The following GLIS2 variants were observed in gnomAD, a reference collection of about 807,000 sequenced individuals.
GLIS2 encodes GLIS family zinc finger 2.
In GLIS2, 14 loss-of-function variants were observed where a neutral mutation model predicts 35.6. That is an observed-to-expected ratio of 0.39 (90% CI 0.26 to 0.61). GLIS2 has a LOEUF of 0.61. Among genes scored for constraint, GLIS2 ranks in the 20% least tolerant of loss-of-function variants. The probability of loss-of-function intolerance (pLI) is 0.48; values close to 1 mark genes in which losing one functional copy is unlikely to be tolerated. For missense variants in GLIS2, 675 were observed against 713.4 expected (o/e 0.95, Z 0.61); for synonymous variants, 368 against 325.1 (o/e 1.13, Z -1.42).
Position 4,334,844 on chromosome 16 carries a change from T to G in GLIS2, c.389T>G (p.Phe130Cys). The G allele has an allele frequency of 6.2e-7, 1 of 1,613,378 alleles. No individual in the cohort carries two copies. Among genetic ancestry groups the G allele is most frequent in the African/African-American group, 1.3e-5 (1 of 74,978 alleles). Residue 130 changes from phenylalanine to cysteine, a missense_variant, in exon 4 of 7, where the codon TTC becomes TGC. Phe to Cys is a radical substitution (Grantham distance 205). This residue lies in a region of GLIS2 where 225 missense variants were observed against 238.7 expected (regional missense o/e 0.94). Coordinates refer to ENST00000433375, the MANE Select transcript of GLIS2 (RefSeq NM_032575.3). ...TATTTGGATGGTGTCCCCAGCTCCT[T>G]CCAGTTCTTCCTGCCCCTCGGCTCC... Reference protein sequence around the residue: ...LRYLDGVPSSFQFFLPLGSGG... With the variant: ...LRYLDGVPSSCQFFLPLGSGG...
chr16:4,326,251 GAAAC>G (rs1473684671), intron 1 of GLIS2, among the ~76,000 whole-genome samples: 1 of 151,992 alleles, frequency 6.6e-6, no homozygotes, highest in Admixed American at 6.6e-5. Flanking sequence ...TCTCAAAAAA[GAAAC>G]AAACAAAAAA....
In GLIS2 at chr16:4,335,957, A is replaced by G. The variant is rs528406931; in HGVS notation, c.775+564A>G. 2.0e-4 allele frequency: 36 copies of G among 179,786 alleles called. No individual in the cohort carries two copies. Among genetic ancestry groups the G allele is most frequent in the Admixed American group, 1.2e-3 (22 of 18,710 alleles). The allele number at this position is 179,786 out of a possible 1,614,324, so 11.1% of individuals were successfully genotyped here. ...CTGGTGTTTATTTCACCCTGGCAGCACATCTCCAGGTGGAGAGCCATGTAT... is the reference window on the plus strand; with the variant it reads ...CTGGTGTTTATTTCACCCTGGCAGCGCATCTCCAGGTGGAGAGCCATGTAT... On this transcript the variant is annotated intron_variant, in intron 6 of 6. Coordinates refer to ENST00000433375, the MANE Select transcript of GLIS2 (RefSeq NM_032575.3). The surrounding 1 kb of genome is among the most constrained non-coding windows in gnomAD (Gnocchi z 4.6).
chr16:4,316,486 C>T (rs1047998485), intron 1 of GLIS2, among the ~76,000 whole-genome samples: 12 of 151,912 alleles, frequency 7.9e-5, no homozygotes, highest in Non-Finnish European at 1.5e-4. Flanking sequence ...GGTCTTTCTT[C>T]TCCCTCCTTC....
At chr16:4,317,108 C>T (rs2053321616) in intron 1 of GLIS2, among the ~76,000 whole-genome samples, 1 of 152,158 alleles carries the variant, frequency 6.6e-6, no homozygotes, top group Admixed American at 6.5e-5. Flanking sequence ...CAGGAGGGCC[C>T]GCCCAGCCTG....
intron 1 of GLIS2, among the ~76,000 whole-genome samples, chr16:4,329,617 C>A (rs554492000): frequency 6.6e-6 from 1 of 152,130 alleles, no homozygotes; most frequent in African/African-American, 2.4e-5. Context: ...AAGGGGAGGA[C>A]GTGGGAGCTG....
rs111615784 is a variant in GLIS2 at position 4,332,406 on chromosome 16, G to C, written c.126G>C (p.Leu42=). The change falls in exon 2 of 7, where the codon CTG becomes CTC. Residue 42 remains leucine (L), a synonymous_variant. Transcript: ENST00000433375. The surrounding 1 kb of genome is among the most constrained non-coding windows in gnomAD (Gnocchi z 5.4). The part of the protein sequence containing the change: ...RPRALHRELG[L]VDDSPTPGSP... ...GTGCTCTGCACAGGGAGCTGGGCCTGGTGGATGACAGCCCCACACCTGGCT... is the reference window on the plus strand; with the variant it reads ...GTGCTCTGCACAGGGAGCTGGGCCTCGTGGATGACAGCCCCACACCTGGCT... 1.2e-5 allele frequency: 19 copies of C among 1,612,674 alleles called. No individual in the cohort carries two copies. Among genetic ancestry groups the C allele is most frequent in the Non-Finnish European group, 1.5e-5 (18 of 1,180,018 alleles).
In GLIS2 at chr16:4,332,748, CTGCACCCTAGGCTGTGGGGTGG is replaced by C. The variant is rs2053511573; in HGVS notation, c.172+300_172+321del. 6.6e-6 allele frequency among the ~76,000 whole-genome samples: 1 copy of C among 152,216 alleles called. No homozygotes were observed. The highest frequency in any genetic ancestry group is 1.5e-5 in the Non-Finnish European group (1 of 68,030). ...GAAGGAGCGGCAGTAGTCCCAGGAC[CTGCACCCTAGGCTGTGGGGTGG>C]TGCCGCTGGCCAACCTGGGCAGTAG... is the stretch of plus-strand genomic sequence containing the variant. On this transcript the variant is annotated intron_variant, in intron 2 of 6. Transcript: ENST00000433375. This position sits in a 1 kb window ranked among gnomAD's most constrained non-coding sequence, Gnocchi z 5.4.
In GLIS2 at chr16:4,335,468, G is replaced by C; in HGVS notation, c.775+75G>C. The C allele has an allele frequency of 7.7e-7, 1 of 1,295,384 alleles. No individual in the cohort carries two copies. The highest frequency in any genetic ancestry group is 1.1e-6 in the Non-Finnish European group (1 of 894,296). 80.2% of individuals were successfully genotyped at this position (1,295,384 alleles called of 1,614,324 possible). Reference sequence around the variant, plus strand: ...GAGACCGGCTGGGCAGGTCCCCAGGGGGAGGGGACTGTTAAGTAAATCCCG... The same window carrying C: ...GAGACCGGCTGGGCAGGTCCCCAGGCGGAGGGGACTGTTAAGTAAATCCCG... On this transcript the variant is annotated intron_variant, in intron 6 of 6. Coordinates refer to ENST00000433375, the MANE Select transcript of GLIS2 (RefSeq NM_032575.3). This position sits in a 1 kb window ranked among gnomAD's most constrained non-coding sequence, Gnocchi z 4.6.
chr16:4,336,753 G>C lies in GLIS2; in HGVS notation c.804G>C (p.Glu268Asp). 1 of 1,609,292 alleles carries C rather than the reference G, an allele frequency of 6.2e-7. No homozygotes were observed. The highest frequency in any genetic ancestry group is 8.5e-7 in the Non-Finnish European group (1 of 1,178,290). Residue 268 changes from glutamate (E) to aspartate (D), a missense_variant, in exon 7 of 7, where the codon GAG becomes GAC. This residue lies in a region of GLIS2 where 133 missense variants were observed against 191.4 expected (regional missense o/e 0.69). Transcript: ENST00000433375. ...TGEKPYVCPY[E>D]GCNKRYSNSS... ...AGAAGCCCTACGTCTGCCCCTACGAGGGCTGCAACAAGCGCTATTCCAACT... is the reference window on the plus strand; with the variant it reads ...AGAAGCCCTACGTCTGCCCCTACGACGGCTGCAACAAGCGCTATTCCAACT...
At position 4,336,985 on chromosome 16, in the gene GLIS2, C is replaced by T; in HGVS notation, c.1036C>T (p.Pro346Ser). 8.1e-6 allele frequency: 13 copies of T among 1,609,020 alleles called. No individual in the cohort carries two copies. Among genetic ancestry groups the T allele is most frequent in the Middle Eastern group, 1.7e-4 (1 of 6,054 alleles). Residue 346 changes from proline (P) to serine (S), a missense_variant, in exon 7 of 7, where the codon CCC (proline) becomes TCC (serine). Pro to Ser is a moderately conservative substitution (Grantham distance 74). Transcript: ENST00000433375. ...KPPLPAPDGG[P>S]YVSGAQIIIP... ...GCCACTGCCCGCCCCCGACGGCGGC[C>T]CCTATGTCAGTGGGGCCCAGATCAT...
intron 1 of GLIS2, among the ~76,000 whole-genome samples, chr16:4,330,355 G>A (rs942459553): frequency 6.6e-6 from 1 of 152,212 alleles, no homozygotes; most frequent in East Asian, 1.9e-4. Flanking sequence ...GATACTAAAA[G>A]AATACCATCT....
intron 1 of GLIS2, among the ~76,000 whole-genome samples, chr16:4,322,010 A>G (rs1160068870): frequency 6.6e-6 from 1 of 151,886 alleles, no homozygotes; most frequent in East Asian, 1.9e-4. Flanking sequence ...CCAGAAACCG[A>G]GGCTGGGGAG....
In GLIS2 at chr16:4,335,504, A is replaced by T. The variant is rs1357668943; in HGVS notation, c.775+111A>T. The T allele has an allele frequency of 1.0e-6, 1 of 954,016 alleles. No individual in the cohort carries two copies. Among genetic ancestry groups the T allele is most frequent in the Non-Finnish European group, 1.7e-6 (1 of 604,796 alleles). The allele number at this position is 954,016 out of a possible 1,614,324, so 59.1% of individuals were successfully genotyped here. ...GTTAAGTAAATCCCGGGCCTCAGAG[A>T]TAAGGGTTGATGTCATCGCCCAGGG... On this transcript the variant is annotated intron_variant, in intron 6 of 6. Transcript: ENST00000433375. The surrounding 1 kb of genome is among the most constrained non-coding windows in gnomAD (Gnocchi z 4.6).
rs752455016 is a variant in GLIS2, at chr16:4,332,484, G to T, written c.172+32G>T. The T allele has an allele frequency of 5.0e-6, 8 of 1,604,730 alleles. No individual in the cohort carries two copies. The highest frequency in any genetic ancestry group is 6.8e-6 in the Non-Finnish European group (8 of 1,178,568). ...GCCCTGGGCAGGGCAGGGGGACTTA[G>T]CCCTGATCCAGTCATGGTGACAGGG... On this transcript the variant is annotated intron_variant, in intron 2 of 6. Transcript: ENST00000433375. This position sits in a 1 kb window ranked among gnomAD's most constrained non-coding sequence, Gnocchi z 5.4.
At position 4,322,805 on chromosome 16, in the gene GLIS2, C is replaced by T. The variant is rs2053392327; in HGVS notation, c.-67+6551C>T. 2.0e-5 allele frequency among the ~76,000 whole-genome samples: 3 copies of T among 152,260 alleles called. No homozygotes were observed. The South Asian group carries it at 6.2e-4, about 31-fold the overall frequency. ...GCTCTCGGAGTTGGCGGGTGCCGTT[C>T]CCAGTGGACCTGGTACCTGGCCCCA... On this transcript the variant is annotated intron_variant, in intron 1 of 6. Coordinates refer to ENST00000433375, the MANE Select transcript of GLIS2 (RefSeq NM_032575.3).
chr16:4,331,348 A>AT (rs1203098776), intron 1 of GLIS2, among the ~76,000 whole-genome samples: 1 of 152,198 alleles, frequency 6.6e-6, no homozygotes, highest in African/African-American at 2.4e-5. Context: ...CCTGCTGCAG[A>AT]TAACTAGCCA....
In GLIS2 at chr16:4,335,493, G is replaced by A. The variant is rs1040344988; in HGVS notation, c.775+100G>A. 9.2e-5 allele frequency: 97 copies of A among 1,052,834 alleles called. No homozygotes were observed. The highest frequency in any genetic ancestry group is 9.4e-5 in the African/African-American group (6 of 63,762). 65.2% of individuals were successfully genotyped at this position (1,052,834 alleles called of 1,614,324 possible). ...GGGAGGGGACTGTTAAGTAAATCCC[G>A]GGCCTCAGAGATAAGGGTTGATGTC... On this transcript the variant is annotated intron_variant, in intron 6 of 6. Transcript: ENST00000433375. The surrounding 1 kb of genome is among the most constrained non-coding windows in gnomAD (Gnocchi z 4.6).
At chr16:4,327,174 G>A (rs994787586) in intron 1 of GLIS2, among the ~76,000 whole-genome samples, 3 of 152,128 alleles carry the variant, frequency 2.0e-5, no homozygotes, top group East Asian at 1.9e-4. Flanking sequence ...GCTTACAGGC[G>A]TCAGCCACCG....
chr16:4,327,597 C>G (rs954268704), intron 1 of GLIS2, among the ~76,000 whole-genome samples: 2 of 152,076 alleles, frequency 1.3e-5, no homozygotes, highest in African/African-American at 2.4e-5. Context: ...AGCGCTGCAG[C>G]TGGGGGCCGT....
Sources: gnomAD v4.1 joint callset for allele counts (sites outside exome capture counted in the v4.1 genomes callset) on GRCh38, gnomAD v4.1.1 for gene constraint, gnomAD v4.1.1 regional missense constraint, Gnocchi (gnomAD v3.1) non-coding constraint, MANE v1.5 for transcripts, NCBI Gene and HGNC (gene_info 2026-07-23, HGNC 2026-07-21) for gene names.